The following DOK6 variants were observed in gnomAD, a reference collection of about 807,000 sequenced individuals.
The protein encoded by DOK6 is docking protein 6.
DOK6 carries 22 observed loss-of-function variants against 44.0 expected under a neutral mutation model. That is an observed-to-expected ratio of 0.50 (90% CI 0.36 to 0.71). DOK6 has a LOEUF of 0.71. Among genes scored for constraint, DOK6 ranks in the 30% least tolerant of loss-of-function variants. DOK6 has a pLI of 0.00. For missense variants in DOK6, 340 were observed against 416.4 expected (o/e 0.82, Z 1.60); for synonymous variants, 166 against 145.5 (o/e 1.14, Z -1.01).
chr18:69,734,144 C>CA (rs1978516374), intron 5 of DOK6, among the ~76,000 whole-genome samples: 1 of 150,156 alleles, frequency 6.7e-6, no homozygotes, highest in Non-Finnish European at 1.5e-5. Context: ...TACATGGATT[C>CA]AAATTTTTTT....
intron 7 of DOK6, among the ~76,000 whole-genome samples, chr18:69,790,715 T>C (rs889429052): frequency 3.5e-4 from 54 of 152,180 alleles, no homozygotes; most frequent in African/African-American, 1.2e-3. Flanking sequence ...GATATGGGCA[T>C]ACAATGCATA....
chr18:69,561,919 T>TA (rs1044003660), intron 1 of DOK6, among the ~76,000 whole-genome samples: 1 of 152,072 alleles, frequency 6.6e-6, no homozygotes, highest in Non-Finnish European at 1.5e-5. Flanking sequence ...GCTATATTTG[T>TA]AAAAAAACAA....
At chr18:69,758,015 CTG>C in intron 7 of DOK6, 142 bp downstream of exon 7, 1 of 708,210 alleles carries the variant, frequency 1.4e-6, no homozygotes, top group Admixed American at 2.4e-5. Flanking sequence ...AGTGGGAGCT[CTG>C]AGATTTACAG....
rs1363348397 is a variant in DOK6, at chr18:69,723,254, T to G, written c.600-15711T>G. Among the ~76,000 whole-genome samples the G allele has an allele frequency of 1.8e-4, 28 of 152,216 alleles. 2 individuals carry two copies. The highest frequency in any genetic ancestry group is 1.6e-3 in the Admixed American group (25 of 15,278). ...AATGAATTCAAGAAGGCAACATTAC[T>G]GGAGCTATATAATCAACACCTTCCA... On this transcript the variant is annotated intron_variant, in intron 5 of 7. Transcript: ENST00000382713.
intron 3 of DOK6, among the ~76,000 whole-genome samples, chr18:69,649,809 T>C (rs1985175704): frequency 6.6e-6 from 1 of 152,130 alleles, no homozygotes; most frequent in South Asian, 2.1e-4. Flanking sequence ...AAGACCTAAA[T>C]AAAAACAAGT....
At chr18:69,829,368 C>G (rs1422249810) in intron 7 of DOK6, among the ~76,000 whole-genome samples, 1 of 151,798 alleles carries the variant, frequency 6.6e-6, no homozygotes, top group African/African-American at 2.4e-5. Context: ...TAATATTATC[C>G]TGCACCATTA....
chr18:69,790,658 T>C (rs1172863122), intron 7 of DOK6, among the ~76,000 whole-genome samples: 2 of 152,172 alleles, frequency 1.3e-5, no homozygotes, highest in African/African-American at 4.8e-5. Flanking sequence ...TATTTTATTT[T>C]TGTAAGTACA....
intron 1 of DOK6, among the ~76,000 whole-genome samples, chr18:69,518,846 C>T (rs868225281): frequency 4.6e-5 from 7 of 152,010 alleles, no homozygotes; most frequent in Admixed American, 2.0e-4. Flanking sequence ...TATGTATTGA[C>T]GTTTCACTGG....
At chr18:69,770,568 A>G (rs931839821) in intron 7 of DOK6, among the ~76,000 whole-genome samples, 1 of 152,104 alleles carries the variant, frequency 6.6e-6, no homozygotes, top group African/African-American at 2.4e-5. Flanking sequence ...GTGTCCAAAG[A>G]TGACTTGTAT....
chr18:69,768,954 C>CGTGTGTGTGTGTGTGTGTGTGT (rs61202412), intron 7 of DOK6, among the ~76,000 whole-genome samples: 6,647 of 142,602 alleles, frequency 0.047, 269 homozygotes, highest in Admixed American at 0.058. Flanking sequence ...GAAGGGTGTG[C>CGTGTGTGTGTGTGTGTGTGTGT]GTGTGTGTGT....
In DOK6 at chr18:69,470,100, G is replaced by T. The variant is rs565605034; in HGVS notation, c.66+68790G>T. 5.0e-5 allele frequency: 8 copies of T among 158,812 alleles called. No individual in the cohort carries two copies. The South Asian group carries it at 1.4e-3, about 27-fold the overall frequency. 9.8% of individuals were successfully genotyped at this position (158,812 alleles called of 1,614,324 possible). A position where few individuals can be genotyped will look rare whatever the true frequency, so the allele number is the denominator to read the frequency against. The stretch of plus-strand genomic sequence containing the variant: ...CCACCACAGCATTATGATCCTTTCC[G>T]GCTGCTGACCAATCTGTATTTTGTG... On this transcript the variant is annotated intron_variant, in intron 1 of 7. Coordinates refer to ENST00000382713, the MANE Select transcript of DOK6 (RefSeq NM_152721.6).
At position 69,847,506 on chromosome 18, in the gene DOK6, A is replaced by C. The variant is rs1982371504; in HGVS notation, c.*6123A>C. 6.6e-6 allele frequency: 1 copy of C among 152,208 alleles called. No individual in the cohort carries two copies. The highest frequency in any genetic ancestry group is 2.4e-5 in the African/African-American group (1 of 41,450). The allele number at this position is 152,208 out of a possible 1,614,324, so 9.4% of individuals were successfully genotyped here. On this transcript the variant is annotated 3_prime_UTR_variant, in exon 8 of 8. Transcript: ENST00000382713. ...TCAGGCAAAGAAGGAAACTGAGATA[A>C]TGATTTAATTTTTTTAAGTCACTGC...
At chr18:69,430,601 A>G (rs356011) in intron 1 of DOK6, among the ~76,000 whole-genome samples, 10,419 of 152,254 alleles carry the variant, frequency 0.068, 379 homozygotes, top group Middle Eastern at 0.13. Flanking sequence ...ATTGGAATAC[A>G]TACATAATTT....
chr18:69,819,190 A>G (rs1008493951), intron 7 of DOK6, among the ~76,000 whole-genome samples: 15 of 152,078 alleles, frequency 9.9e-5, no homozygotes, highest in African/African-American at 3.6e-4. Flanking sequence ...AACCAGTATC[A>G]CTCAATCTAA....
intron 1 of DOK6, among the ~76,000 whole-genome samples, chr18:69,443,992 A>G (rs11663149): frequency 0.07 from 10,702 of 152,196 alleles, 414 homozygotes; most frequent in Middle Eastern, 0.13. Context: ...CACAATACAC[A>G]TATACATACA....
intron 1 of DOK6, among the ~76,000 whole-genome samples, chr18:69,446,029 T>A (rs1979278010): frequency 6.7e-6 from 1 of 150,092 alleles, no homozygotes; most frequent in African/African-American, 2.5e-5. Context: ...GTTGATAGTA[T>A]TTATATTTCT....
chr18:69,525,700 A>G (rs1011514538), intron 1 of DOK6, among the ~76,000 whole-genome samples: 4 of 139,184 alleles, frequency 2.9e-5, no homozygotes, highest in African/African-American at 9.9e-5. Flanking sequence ...ATGGATCATA[A>G]AGTCTCTTTT....
At chr18:69,708,718 A>T (rs1986691105) in intron 5 of DOK6, among the ~76,000 whole-genome samples, 1 of 146,392 alleles carries the variant, frequency 6.8e-6, no homozygotes, top group Non-Finnish European at 1.5e-5. Context: ...CAGAAGGCAG[A>T]TGTTGCAGTG....
At chr18:69,838,130 T>C (rs1193159707) in intron 7 of DOK6, among the ~76,000 whole-genome samples, 2 of 152,038 alleles carry the variant, frequency 1.3e-5, no homozygotes, top group Admixed American at 6.5e-5. Flanking sequence ...TTGAATTTTC[T>C]TTTTTTATAT....
Sources: allele counts gnomAD v4.1 joint callset (sites outside exome capture counted in the v4.1 genomes callset), GRCh38; gene constraint gnomAD v4.1.1; transcripts MANE v1.5; gene names NCBI Gene and HGNC (gene_info 2026-07-23, HGNC 2026-07-21).